Variants in TRAF3IP1 observed in about 807,000 individuals in gnomAD.
TRAF3IP1 encodes intraflagellar transport 54.
In TRAF3IP1, 53 loss-of-function variants were observed where a neutral mutation model predicts 89.9. That is an observed-to-expected ratio of 0.59 (90% CI 0.47 to 0.74). The LOEUF (loss-of-function observed/expected upper bound fraction) is 0.74, where lower values mean the gene tolerates loss of function less well. TRAF3IP1 is among the 30% of genes least tolerant of loss of function. The pLI, the probability that TRAF3IP1 is intolerant of heterozygous loss-of-function variation, is 0.00. For missense variants in TRAF3IP1, 806 were observed against 866.1 expected (o/e 0.93, Z 0.87); for synonymous variants, 311 against 322.1 (o/e 0.97, Z 0.37).
chr2:238,376,354 T>C (rs986537949), intron 15 of TRAF3IP1, among the ~76,000 whole-genome samples: 4 of 152,226 alleles, frequency 2.6e-5, no homozygotes, highest in African/African-American at 9.6e-5. Context: ...CTGTAGTTTA[T>C]ACTGCTCCAC....
In TRAF3IP1 at chr2:238,329,362, C is replaced by G. The variant is rs1341461536; in HGVS notation, c.915+20C>G. The G allele has an allele frequency of 1.5e-6, 2 of 1,342,912 alleles. No individual in the cohort carries two copies. Among genetic ancestry groups the G allele is most frequent in the Non-Finnish European group, 1.9e-6 (2 of 1,038,978 alleles). The allele number at this position is 1,342,912 out of a possible 1,614,324, so 83.2% of individuals were successfully genotyped here. On this transcript the variant is annotated intron_variant, in intron 5 of 16. Transcript: ENST00000373327. ...AAAAAGGTAAAGTCTTGCTGAGAAC[C>G]TCGCCTTTTGCTTAGCAAGAGTTTG...
chr2:238,333,899 C>A, intron 6 of TRAF3IP1, 61 bp from the exon 7 acceptor site: 1 of 1,355,634 alleles, frequency 7.4e-7, no homozygotes. Flanking sequence ...AAAAATAAAC[C>A]TGCTTATGAT....
intron 15 of TRAF3IP1, among the ~76,000 whole-genome samples, chr2:238,372,997 A>G (rs1700171680): frequency 6.6e-6 from 1 of 151,838 alleles, no homozygotes; most frequent in South Asian, 2.1e-4. Flanking sequence ...TTTTCTTGTA[A>G]ATTTGTTTAA....
At chr2:238,360,866 T>G (rs1190752776) in intron 15 of TRAF3IP1, among the ~76,000 whole-genome samples, 3 of 151,838 alleles carry the variant, frequency 2.0e-5, no homozygotes, top group African/African-American at 7.3e-5. Flanking sequence ...GGGGACAAAG[T>G]GAGATTCCGT....
chr2:238,356,213 C>T (rs1356632458), intron 15 of TRAF3IP1, 133 bp downstream of exon 15: 6 of 809,430 alleles, frequency 7.4e-6, no homozygotes, highest in Non-Finnish European at 1.2e-5. Context: ...AATGCCATTC[C>T]TGGCCAGGCA....
chr2:238,343,287 T>C (rs1274064048), intron 8 of TRAF3IP1, among the ~76,000 whole-genome samples: 2 of 152,102 alleles, frequency 1.3e-5, no homozygotes, highest in Non-Finnish European at 2.9e-5. Flanking sequence ...GGTTTCACCA[T>C]GTTGGCCAGG....
At chr2:238,387,109 A>T (rs1700805533) in intron 15 of TRAF3IP1, among the ~76,000 whole-genome samples, 1 of 152,234 alleles carries the variant, frequency 6.6e-6, no homozygotes, top group South Asian at 2.1e-4. Flanking sequence ...GGTTAGGAAA[A>T]TGAGGCACAA....
chr2:238,342,081 T>A (rs1173539811), intron 8 of TRAF3IP1, among the ~76,000 whole-genome samples: 1 of 152,012 alleles, frequency 6.6e-6, no homozygotes, highest in Non-Finnish European at 1.5e-5. Context: ...CTCCACCTCC[T>A]AGGTTCAGGG....
intron 15 of TRAF3IP1, among the ~76,000 whole-genome samples, chr2:238,370,750 G>A (rs1373708751): frequency 2.6e-5 from 4 of 152,214 alleles, no homozygotes; most frequent in African/African-American, 4.8e-5. Flanking sequence ...GACGTTAAGT[G>A]CATGTCATCA....
At position 238,347,668 on chromosome 2, in the gene TRAF3IP1, C is replaced by T. The variant is rs113101582; in HGVS notation, c.1282+193C>T. 6.4e-3 allele frequency among the ~76,000 whole-genome samples: 978 copies of T among 152,158 alleles called. 13 individuals carry two copies. Among genetic ancestry groups the T allele is most frequent in the African/African-American group, 0.023 (947 of 41,494 alleles). ...TTGAGATGGAGTTTCACTCTTGTTG[C>T]CCAGGCTGGAGTGCAATGGCATGAT... On this transcript the variant is annotated intron_variant, in intron 10 of 16. Transcript: ENST00000373327.
chr2:238,362,391 G>C (rs1699700008), intron 15 of TRAF3IP1, among the ~76,000 whole-genome samples: 1 of 152,096 alleles, frequency 6.6e-6, no homozygotes, highest in Admixed American at 6.6e-5. Context: ...CATTAGTGGC[G>C]TAAATGAAGT....
intron 10 of TRAF3IP1, among the ~76,000 whole-genome samples, chr2:238,348,546 T>C (rs1341058006): frequency 1.3e-5 from 2 of 152,198 alleles, no homozygotes; most frequent in Non-Finnish European, 2.9e-5. Context: ...TCCCTGGGTT[T>C]GAGTGTGCCC....
At chr2:238,334,116 G>C in intron 7 of TRAF3IP1, 81 bp downstream of exon 7, 2 of 1,051,780 alleles carry the variant, frequency 1.9e-6, no homozygotes, top group South Asian at 2.9e-5. Context: ...TGTCTAGTAG[G>C]AAAGAACTCC....
chr2:238,331,071 C>A (rs1698097568), intron 5 of TRAF3IP1, among the ~76,000 whole-genome samples: 1 of 152,136 alleles, frequency 6.6e-6, no homozygotes, highest in Admixed American at 6.5e-5. Flanking sequence ...CCTCAGCTCA[C>A]AAAGCCTTCG....
chr2:238,321,255 C>G (rs1697528256), intron 1 of TRAF3IP1, among the ~76,000 whole-genome samples: 1 of 152,232 alleles, frequency 6.6e-6, no homozygotes, highest in South Asian at 2.1e-4. Context: ...GCTGGCAGAG[C>G]TGCTTCTGTG....
chr2:238,377,310 T>C (rs1271680276), intron 15 of TRAF3IP1, among the ~76,000 whole-genome samples: 1 of 138,358 alleles, frequency 7.2e-6, no homozygotes, highest in Non-Finnish European at 1.5e-5. Flanking sequence ...CATGGCTCAC[T>C]GCAGCCTTGC....
intron 8 of TRAF3IP1, among the ~76,000 whole-genome samples, chr2:238,343,561 T>C (rs1420029133): frequency 6.6e-6 from 1 of 151,814 alleles, no homozygotes; most frequent in Non-Finnish European, 1.5e-5. Flanking sequence ...TTTGTAGATA[T>C]GAGGTTTCGC....
At chr2:238,346,160 A>G (rs111628771) in intron 9 of TRAF3IP1, among the ~76,000 whole-genome samples, 2 of 152,014 alleles carry the variant, frequency 1.3e-5, no homozygotes, top group South Asian at 4.1e-4. Context: ...TGCTAAGCAC[A>G]CGCTCCAGGC....
intron 9 of TRAF3IP1, among the ~76,000 whole-genome samples, chr2:238,346,190 G>T (rs978885928): frequency 1.3e-5 from 2 of 152,150 alleles, no homozygotes; most frequent in Admixed American, 6.5e-5. Flanking sequence ...ATGAGGAAAA[G>T]ATCTTCTGCC....
Sources: allele counts gnomAD v4.1 joint callset (sites outside exome capture counted in the v4.1 genomes callset), GRCh38; gene constraint gnomAD v4.1.1; transcripts MANE v1.5; gene names NCBI Gene and HGNC (gene_info 2026-07-23, HGNC 2026-07-21).